Variants in TRDN observed in about 807,000 individuals in gnomAD.
The protein encoded by TRDN is triadin in skeletal muscle.
TRDN carries 161 observed loss-of-function variants against 149.7 expected under a neutral mutation model. The observed-to-expected ratio is 1.08, with a 90% CI of 0.95 to 1.23. The LOEUF (loss-of-function observed/expected upper bound fraction) is 1.23. TRDN is among the 50% of genes most tolerant of loss of function. The pLI, the probability that TRDN is intolerant of heterozygous loss-of-function variation, is 0.00. For missense variants in TRDN, 896 were observed against 823.5 expected (o/e 1.09, Z -1.08); for synonymous variants, 294 against 250.5 (o/e 1.17, Z -1.64).
intron 14 of TRDN, among the ~76,000 whole-genome samples, chr6:123,384,853 T>C (rs554193261): frequency 6.6e-5 from 10 of 152,304 alleles, no homozygotes; most frequent in Non-Finnish European, 1.2e-4. Flanking sequence ...ATACTGACCC[T>C]GAAGAGCTAT....
intron 21 of TRDN, chr6:123,349,806 T>C (rs1030717677): frequency 2.0e-6 from 2 of 985,028 alleles, no homozygotes; most frequent in African/African-American, 3.5e-5. Flanking sequence ...AAAAGACCAG[T>C]GCATACACAA....
intron 19 of TRDN, among the ~76,000 whole-genome samples, chr6:123,367,809 C>T (rs553154717): frequency 2.6e-5 from 4 of 152,244 alleles, no homozygotes; most frequent in South Asian, 4.1e-4. Flanking sequence ...TGATTTGGAC[C>T]GCACTTTGGA....
chr6:123,525,699 T>C (rs978778584), intron 5 of TRDN, among the ~76,000 whole-genome samples: 5 of 152,088 alleles, frequency 3.3e-5, no homozygotes, highest in Admixed American at 6.6e-5. Context: ...TCTAAAAGTT[T>C]TTTAAAAAAA....
intron 1 of TRDN, among the ~76,000 whole-genome samples, chr6:123,629,542 A>G (rs891934169): frequency 3.3e-5 from 5 of 152,146 alleles, no homozygotes; most frequent in South Asian, 4.1e-4. Flanking sequence ...CTTTGTTCTT[A>G]TAGGTCAAAA....
chr6:123,316,530 A>G (rs770280606), intron 23 of TRDN, 35 bp from the exon 24 acceptor site: 4 of 1,590,924 alleles, frequency 2.5e-6, no homozygotes, highest in Non-Finnish European at 3.4e-6. Flanking sequence ...ACGTACAAAC[A>G]AAAGGGAAAA....
At chr6:123,230,222 T>C (rs1445930099) in intron 38 of TRDN, among the ~76,000 whole-genome samples, 1 of 151,946 alleles carries the variant, frequency 6.6e-6, no homozygotes, top group African/African-American at 2.4e-5. Context: ...AAAGGATGAT[T>C]TCATGTCGTT....
chr6:123,468,882 A>C (rs574813606), intron 9 of TRDN: 3 of 152,192 alleles, frequency 2.0e-5, no homozygotes, highest in African/African-American at 7.2e-5. Flanking sequence ...TTTTGGAAGG[A>C]CCCCAATCCT....
chr6:123,388,153 A>G (rs1582953790), intron 14 of TRDN, among the ~76,000 whole-genome samples: 1 of 152,270 alleles, frequency 6.6e-6, no homozygotes, highest in East Asian at 1.9e-4. Flanking sequence ...GTGAAATTGA[A>G]ACTTGACTAC....
chr6:123,409,167 TAATAATATC>T (rs1238020000), intron 12 of TRDN, among the ~76,000 whole-genome samples: 3 of 152,192 alleles, frequency 2.0e-5, no homozygotes, highest in Non-Finnish European at 4.4e-5. Flanking sequence ...CTAACTACAA[TAATAATATC>T]ATATAGTCAC....
chr6:123,525,103 G>A (rs181017482), intron 5 of TRDN, among the ~76,000 whole-genome samples: 2 of 152,200 alleles, frequency 1.3e-5, no homozygotes, highest in African/African-American at 4.8e-5. Flanking sequence ...CACTGTTAAT[G>A]GAGATGTAAA....
intron 1 of TRDN, among the ~76,000 whole-genome samples, chr6:123,623,535 T>A (rs944430444): frequency 6.6e-6 from 1 of 152,026 alleles, no homozygotes; most frequent in South Asian, 2.1e-4. Context: ...TTGCAACAAA[T>A]TTTTCCACCC....
chr6:123,499,279 G>T (rs1778577387), intron 8 of TRDN, among the ~76,000 whole-genome samples: 2 of 152,240 alleles, frequency 1.3e-5, no homozygotes, highest in South Asian at 4.1e-4. Context: ...ACATGTTGAA[G>T]AGTGTACTGA....
chr6:123,464,621 A>G (rs1776677437), intron 10 of TRDN: 3 of 1,126,616 alleles, frequency 2.7e-6, no homozygotes, highest in Admixed American at 4.2e-5. Context: ...TGCAAGGCAT[A>G]GCCTTATCTA....
intron 33 of TRDN, 47 bp from the exon 34 acceptor site, chr6:123,260,685 TAAAA>T (rs1164088481): frequency 7.5e-7 from 1 of 1,326,634 alleles, no homozygotes; most frequent in Non-Finnish European, 9.9e-7. Flanking sequence ...GGAAAAAAAA[TAAAA>T]AGAAAAAGTA....
chr6:123,276,189 G>A (rs890708609), intron 26 of TRDN, among the ~76,000 whole-genome samples: 1 of 152,064 alleles, frequency 6.6e-6, no homozygotes, highest in Non-Finnish European at 1.5e-5. Flanking sequence ...CATAAATTTT[G>A]AGAAAACACA....
At chr6:123,349,767 T>C in intron 21 of TRDN, 1 of 984,554 alleles carries the variant, frequency 1.0e-6, no homozygotes, top group Non-Finnish European at 1.2e-6. Context: ...ATGGAATAAA[T>C]CTACAATCAG....
At chr6:123,345,699 ATC>A (rs1414158603) in intron 21 of TRDN, among the ~76,000 whole-genome samples, 1 of 152,054 alleles carries the variant, frequency 6.6e-6, no homozygotes, top group African/African-American at 2.4e-5. Flanking sequence ...AATATGGAGT[ATC>A]TCTCAATTTA....
chr6:123,462,272 A>C (rs1484904986), intron 10 of TRDN: 2 of 152,250 alleles, frequency 1.3e-5, no homozygotes, highest in Non-Finnish European at 1.5e-5. Context: ...TGGGGACAAC[A>C]CAGAAATCCA....
chr6:123,317,691 A>G (rs1268452503), intron 23 of TRDN, among the ~76,000 whole-genome samples: 1 of 151,884 alleles, frequency 6.6e-6, no homozygotes, highest in African/African-American at 2.4e-5. Flanking sequence ...ATTGTCTGTA[A>G]TCACTCTTTA....
Sources: gnomAD v4.1 joint callset for allele counts (sites outside exome capture counted in the v4.1 genomes callset) on GRCh38, gnomAD v4.1.1 for gene constraint, MANE v1.5 for transcripts, NCBI Gene and HGNC (gene_info 2026-07-23, HGNC 2026-07-21) for gene names.